The following BRCC3 variants were observed in gnomAD, a reference collection of about 807,000 sequenced individuals.
BRCC3 encodes BRCA1/BRCA2-containing complex subunit 3.
BRCC3 carries 15 observed loss-of-function variants against 28.0 expected under a neutral mutation model. That is an observed-to-expected ratio of 0.54 (90% CI 0.36 to 0.82). The LOEUF is 0.82. BRCC3 is among the 40% of genes least tolerant of loss of function. The pLI, the probability that BRCC3 is intolerant of heterozygous loss-of-function variation, is 0.01. For missense variants in BRCC3, 109 were observed against 225.9 expected (o/e 0.48, Z 3.32); for synonymous variants, 66 against 80.3 (o/e 0.82, Z 0.95).
chrX:155,118,703 G>T (rs1442441996), intron 9 of BRCC3, among the ~76,000 whole-genome samples: 1 of 111,705 alleles, frequency 9.0e-6, no homozygotes, highest in Non-Finnish European at 1.9e-5. Context: ...CAGAGGAAAC[G>T]AGAATGGTGG....
At chrX:155,080,394 C>G (rs1046758648) in intron 5 of BRCC3, among the ~76,000 whole-genome samples, 1 of 108,118 alleles carries the variant, frequency 9.2e-6, no homozygotes, top group Non-Finnish European at 1.9e-5. Context: ...AGCCATTAAA[C>G]AAGAACCCAG....
At chrX:155,083,181 C>T (rs1197901119) in intron 5 of BRCC3, among the ~76,000 whole-genome samples, 4 of 112,347 alleles carry the variant, frequency 3.6e-5, no homozygotes, top group Non-Finnish European at 5.6e-5. Context: ...GAACAGATAC[C>T]GAGGACTTGG....
intron 5 of BRCC3, among the ~76,000 whole-genome samples, chrX:155,087,155 C>T (rs970855796): frequency 8.9e-6 from 1 of 111,852 alleles, no homozygotes; most frequent in South Asian, 3.8e-4. Context: ...GTGGGTCCCT[C>T]AGCGCTCAGG....
At chrX:155,079,018 T>G (rs1433968320) in intron 5 of BRCC3, 1 of 185,809 alleles carries the variant, frequency 5.4e-6, no homozygotes, top group Non-Finnish European at 9.9e-6. Context: ...CAAAATTGAT[T>G]TTTACAGTTG....
intron 7 of BRCC3, among the ~76,000 whole-genome samples, chrX:155,105,762 G>A (rs1232913134): frequency 4.5e-5 from 5 of 111,973 alleles, no homozygotes; most frequent in African/African-American, 1.6e-4. Context: ...GCAGTGGTGC[G>A]ATCTTGGCTC....
intron 3 of BRCC3, among the ~76,000 whole-genome samples, chrX:155,075,524 C>T (rs1557293488): frequency 8.9e-6 from 1 of 111,932 alleles, no homozygotes; most frequent in Non-Finnish European, 1.9e-5. Context: ...ATCTTCTTTC[C>T]TTCCTGACCC....
chrX:155,075,309 C>CCAT (rs2074028051), intron 3 of BRCC3, among the ~76,000 whole-genome samples: 1 of 108,916 alleles, frequency 9.2e-6, no homozygotes, highest in Admixed American at 9.5e-5. Flanking sequence ...CCTTCTTGTT[C>CCAT]TTCCCCACAC....
chrX:155,073,406 C>T lies in BRCC3; in HGVS notation c.170C>T (p.Thr57Ile), dbSNP rs1557292919. ...RSDSKFAYTGTEMRTVAEKVD... is the reference protein window; with the variant it reads ...RSDSKFAYTGIEMRTVAEKVD... Reference sequence around the variant, plus strand: ...GACTCCAAATTTGCATATACTGGAACTGAAATGCGCACAGTTGCTGAAAAG... The same window carrying T: ...GACTCCAAATTTGCATATACTGGAATTGAAATGCGCACAGTTGCTGAAAAG... Residue 57 changes from threonine (T) to isoleucine (I), a missense_variant, in exon 3 of 11, where the codon ACT becomes ATT. By Grantham distance (89) the Thr-to-Ile change is moderately conservative. Around this residue, in one of 3 missense-constraint regions of BRCC3, gnomAD observed 58 missense variants for 92.8 expected, o/e 0.63. Coordinates refer to ENST00000330045, the MANE Select transcript of BRCC3 (RefSeq NM_001018055.3). 1.7e-6 allele frequency: 2 copies of T among 1,167,331 alleles called. No homozygotes were observed. Among genetic ancestry groups the T allele is most frequent in the Admixed American group, 5.1e-5 (2 of 38,954 alleles).
At chrX:155,111,825 G>T (rs915049671) in intron 7 of BRCC3, among the ~76,000 whole-genome samples, 1 of 111,806 alleles carries the variant, frequency 8.9e-6, no homozygotes, top group Non-Finnish European at 1.9e-5. Flanking sequence ...ATAACCTACA[G>T]AATCAGAAAA....
rs3850324 is a variant in BRCC3, at chrX:155,077,639, A to C, written c.315+350A>C. Among the ~76,000 whole-genome samples, 665 of 110,999 alleles carry C rather than the reference A, an allele frequency of 6.0e-3. 2 individuals carry two copies. The highest frequency in any genetic ancestry group is 0.02 in the African/African-American group (604 of 30,482). On this transcript the variant is annotated intron_variant, in intron 4 of 10. Transcript: ENST00000330045. ...TCATTTAATTTCTAGGCCATTTACT[A>C]TCTTGGTCTCTATCCTCTTGAGAGA...
intron 7 of BRCC3, among the ~76,000 whole-genome samples, chrX:155,109,093 CT>C (rs782367377): frequency 9.9e-5 from 11 of 111,454 alleles, no homozygotes; most frequent in Admixed American, 9.5e-4. Context: ...TTATTGCTGC[CT>C]TGCCACTTTG....
chrX:155,107,419 T>C (rs2074291978), intron 7 of BRCC3, among the ~76,000 whole-genome samples: 1 of 110,639 alleles, frequency 9.0e-6, no homozygotes, highest in Non-Finnish European at 1.9e-5. Context: ...TCCTGCTCCC[T>C]AATGCCCTCA....
At position 155,122,833 on chromosome X, in the gene BRCC3, A is replaced by G. The variant is rs1396069590; in HGVS notation, c.*1629A>G. 1.8e-5 allele frequency: 2 copies of G among 111,708 alleles called. No individual in the cohort carries two copies. Among genetic ancestry groups the G allele is most frequent in the African/African-American group, 6.5e-5 (2 of 30,722 alleles). 9.2% of individuals were successfully genotyped at this position (111,708 alleles called of 1,213,427 possible). On this transcript the variant is annotated 3_prime_UTR_variant, in exon 11 of 11. Coordinates refer to ENST00000330045, the MANE Select transcript of BRCC3 (RefSeq NM_001018055.3). ...AAGAACAGATTAATGGTTGCCAGGG[A>G]TAGGGACTGGAGGGGGTGTGGGGTA...
At chrX:155,086,053 G>A (rs1221645793) in intron 5 of BRCC3, among the ~76,000 whole-genome samples, 1 of 111,511 alleles carries the variant, frequency 9.0e-6, no homozygotes, top group African/African-American at 3.3e-5. Context: ...GACGTACCCT[G>A]CCTGGTCATG....
chrX:155,108,830 A>G (rs1351094968), intron 7 of BRCC3, among the ~76,000 whole-genome samples: 2 of 111,813 alleles, frequency 1.8e-5, no homozygotes, highest in Non-Finnish European at 3.8e-5. Flanking sequence ...CACTATCTTA[A>G]TGGTATCATT....
chrX:155,089,183 C>A (rs1488995533), intron 5 of BRCC3, 80 bp from the exon 6 acceptor site: 4 of 670,874 alleles, frequency 6.0e-6, no homozygotes, highest in Non-Finnish European at 9.1e-6. Flanking sequence ...ATCTTTAAAT[C>A]TTTAAGTCAA....
chrX:155,104,224 G>A, intron 7 of BRCC3, among the ~76,000 whole-genome samples: 1 of 110,921 alleles, frequency 9.0e-6, no homozygotes, highest in South Asian at 3.8e-4. Context: ...TGCTTTTCAT[G>A]CCTGATAATT....
Position 155,120,156 on chromosome X carries a change from GA to G in BRCC3, c.*7del. 2 of 1,198,693 alleles carry G rather than the reference GA, an allele frequency of 1.7e-6. No individual in the cohort carries two copies. Among genetic ancestry groups the G allele is most frequent in the Non-Finnish European group, 1.1e-6 (1 of 887,661 alleles). The stretch of plus-strand genomic sequence containing the variant: ...AACTTTCTTCTCTAGAATAAATCAG[GA>G]GACAAAATGGGGTAAAAAACTTCTT... On this transcript the variant is annotated 3_prime_UTR_variant, in exon 10 of 11. Transcript: ENST00000330045.
At chrX:155,097,945 G>A (rs1032606304) in intron 7 of BRCC3, among the ~76,000 whole-genome samples, 1 of 111,436 alleles carries the variant, frequency 9.0e-6, no homozygotes, top group Non-Finnish European at 1.9e-5. Flanking sequence ...GCAGTGAGCC[G>A]AGATGGCGCC....
Sources: allele counts gnomAD v4.1 joint callset (sites outside exome capture counted in the v4.1 genomes callset), GRCh38; gene constraint gnomAD v4.1.1; regional missense constraint gnomAD v4.1.1; transcripts MANE v1.5; gene names NCBI Gene and HGNC (gene_info 2026-07-23, HGNC 2026-07-21).